Variants in CFAP61 observed in about 807,000 individuals in gnomAD.
The protein encoded by CFAP61 is cilia- and flagella-associated protein 61.
CFAP61 carries 107 observed loss-of-function variants against 135.6 expected under a neutral mutation model. The ratio of observed to expected loss-of-function variants is 0.79; its 90% CI spans 0.67 to 0.93. The LOEUF is 0.93. Ranked by LOEUF, CFAP61 falls within the 40% of genes least tolerant of loss-of-function variation. The pLI is 0.00. For synonymous variants in CFAP61, 575 were observed against 578.5 expected (o/e 0.99, Z 0.09); for missense variants, 1,507 against 1,556.2 (o/e 0.97, Z 0.53).
intron 9 of CFAP61, among the ~76,000 whole-genome samples, chr20:20,143,527 G>T (rs923389568): frequency 3.3e-5 from 5 of 152,124 alleles, no homozygotes; most frequent in Non-Finnish European, 7.4e-5. Flanking sequence ...GTGCAGTAAC[G>T]GAGACTGGAT....
intron 21 of CFAP61, among the ~76,000 whole-genome samples, chr20:20,274,595 AG>A (rs1234262775): frequency 1.3e-5 from 2 of 152,146 alleles, no homozygotes; most frequent in Non-Finnish European, 2.9e-5. Flanking sequence ...TGAAAGGTGG[AG>A]GTTTCACTGA....
At chr20:20,190,390 A>G (rs568517198) in intron 14 of CFAP61, among the ~76,000 whole-genome samples, 1 of 152,278 alleles carries the variant, frequency 6.6e-6, no homozygotes, top group African/African-American at 2.4e-5. Context: ...TTCCATTTGT[A>G]TGATACTTTG....
intron 25 of CFAP61, among the ~76,000 whole-genome samples, chr20:20,304,970 A>G (rs1439884922): frequency 6.6e-6 from 1 of 152,088 alleles, no homozygotes; most frequent in Non-Finnish European, 1.5e-5. Flanking sequence ...TGCATCCTTT[A>G]TCCTCGTGGT....
At chr20:20,132,883 T>C (rs1369894824) in intron 8 of CFAP61, among the ~76,000 whole-genome samples, 1 of 152,180 alleles carries the variant, frequency 6.6e-6, no homozygotes, top group Non-Finnish European at 1.5e-5. Flanking sequence ...TATTTTCTTA[T>C]ATTTTAGATG....
intron 9 of CFAP61, among the ~76,000 whole-genome samples, chr20:20,149,535 A>C (rs548937642): frequency 2.8e-4 from 43 of 152,354 alleles, no homozygotes; most frequent in African/African-American, 1.0e-3. Flanking sequence ...GTGAATTCCC[A>C]AAGTGTGAGG....
At chr20:20,055,709 C>G (rs1395876420) in intron 1 of CFAP61, among the ~76,000 whole-genome samples, 1 of 152,206 alleles carries the variant, frequency 6.6e-6, no homozygotes, top group Non-Finnish European at 1.5e-5. Flanking sequence ...CAAGATGTCT[C>G]ATTCCAATTT....
At chr20:20,257,922 G>T (rs893039154) in intron 20 of CFAP61, among the ~76,000 whole-genome samples, 1 of 152,154 alleles carries the variant, frequency 6.6e-6, no homozygotes, top group Non-Finnish European at 1.5e-5. Context: ...TAAGATTAAA[G>T]AATCCTTTGA....
At chr20:20,152,965 G>C (rs974494043) in intron 9 of CFAP61, among the ~76,000 whole-genome samples, 19 of 152,218 alleles carry the variant, frequency 1.2e-4, no homozygotes, top group East Asian at 3.9e-4. Flanking sequence ...TATGCCATAT[G>C]ATGGGCCACA....
chr20:20,353,141 A>G (rs1054429522), intron 26 of CFAP61, among the ~76,000 whole-genome samples: 2 of 152,210 alleles, frequency 1.3e-5, no homozygotes, highest in Non-Finnish European at 2.9e-5. Flanking sequence ...TCGTTGTAAC[A>G]TTGATGAGGA....
chr20:20,342,626 C>G (rs111228225), intron 26 of CFAP61, among the ~76,000 whole-genome samples: 1 of 152,314 alleles, frequency 6.6e-6, no homozygotes, highest in South Asian at 2.1e-4. Context: ...GCTTCTACCT[C>G]GTGTTACCGT....
intron 25 of CFAP61, among the ~76,000 whole-genome samples, chr20:20,324,939 G>A (rs2057688467): frequency 6.6e-6 from 1 of 152,138 alleles, no homozygotes; most frequent in South Asian, 2.1e-4. Context: ...TTAAAGACTA[G>A]TAATCCTTAT....
intron 8 of CFAP61, among the ~76,000 whole-genome samples, chr20:20,121,977 C>A (rs1009368146): frequency 2.7e-5 from 4 of 149,900 alleles, no homozygotes; most frequent in Non-Finnish European, 5.9e-5. Context: ...GTAAGTTATT[C>A]GGGTACAGGT....
At chr20:20,171,830 C>T (rs1233621972) in intron 13 of CFAP61, 10 of 697,040 alleles carry the variant, frequency 1.4e-5, no homozygotes, top group South Asian at 1.6e-5. Context: ...TGTCAAAGGG[C>T]TCTGTGGCAT....
At chr20:20,243,284 C>T (rs1201121539) in intron 18 of CFAP61, among the ~76,000 whole-genome samples, 1 of 152,148 alleles carries the variant, frequency 6.6e-6, no homozygotes, top group African/African-American at 2.4e-5. Flanking sequence ...CAACAGGTCC[C>T]TCCCACAACA....
chr20:20,136,688 TGAATTCTCCATCTGAAAGG>T (rs2050955541), intron 8 of CFAP61, among the ~76,000 whole-genome samples: 1 of 152,258 alleles, frequency 6.6e-6, no homozygotes, highest in South Asian at 2.1e-4. Flanking sequence ...TCAGCTATTT[TGAATTCTCCATCTGAAAGG>T]TCCTACATCT....
chr20:20,083,680 T>TA (rs772873729), intron 6 of CFAP61, among the ~76,000 whole-genome samples: 17 of 152,308 alleles, frequency 1.1e-4, no homozygotes, highest in Middle Eastern at 3.4e-3. Flanking sequence ...ATGAATATCC[T>TA]AAAGCATTCC....
At chr20:20,265,801 T>C (rs1429682395) in intron 21 of CFAP61, 3 of 259,696 alleles carry the variant, frequency 1.2e-5, no homozygotes, top group Non-Finnish European at 2.2e-5. Context: ...TAAAAAAAGT[T>C]AAGAAAAAAT....
intron 17 of CFAP61, among the ~76,000 whole-genome samples, chr20:20,227,665 G>C (rs1028155696): frequency 2.0e-5 from 3 of 152,178 alleles, no homozygotes; most frequent in Non-Finnish European, 2.9e-5. Context: ...GTATCTGAAA[G>C]GTTGAACAAC....
intron 18 of CFAP61, among the ~76,000 whole-genome samples, chr20:20,231,764 G>C (rs995245149): frequency 5.3e-5 from 8 of 152,222 alleles, no homozygotes; most frequent in African/African-American, 1.7e-4. Context: ...CTCTTGCATT[G>C]CAGGGCATTG....
Sources: allele counts gnomAD v4.1 joint callset (sites outside exome capture counted in the v4.1 genomes callset), GRCh38; gene constraint gnomAD v4.1.1; transcripts MANE v1.5; gene names NCBI Gene and HGNC (gene_info 2026-07-23, HGNC 2026-07-21).